The following ARHGAP11A variants were observed in gnomAD, a reference collection of about 807,000 sequenced individuals.
ARHGAP11A encodes Rho GTPase activating protein 11A.
Under a neutral mutation model 60.5 loss-of-function variants are expected in ARHGAP11A, and 36 were observed. That is an observed-to-expected ratio of 0.59 (90% CI 0.46 to 0.79). The LOEUF is 0.79. ARHGAP11A is among the 30% of genes least tolerant of loss of function. The probability of loss-of-function intolerance (pLI) is 0.00; values close to 1 mark genes in which losing one functional copy is unlikely to be tolerated. For missense variants in ARHGAP11A, 1,071 were observed against 1,199.2 expected (o/e 0.89, Z 1.58); for synonymous variants, 362 against 415.5 (o/e 0.87, Z 1.57).
At chr15:32,635,517 A>T (rs1400277922) in intron 10 of ARHGAP11A, among the ~76,000 whole-genome samples, 2 of 152,228 alleles carry the variant, frequency 1.3e-5, no homozygotes, top group African/African-American at 4.8e-5. Context: ...ACAGAGTCAG[A>T]GCACACACAG....
intron 8 of ARHGAP11A, among the ~76,000 whole-genome samples, chr15:32,630,992 T>G (rs561451609): frequency 1.2e-3 from 183 of 152,260 alleles, no homozygotes; most frequent in African/African-American, 4.2e-3. Flanking sequence ...AACATACTGA[T>G]TCCTTCTTCT....
Position 32,638,950 on chromosome 15 carries a change from C to G in ARHGAP11A, c.*1105C>G, listed in dbSNP as rs2053786518. 2 of 152,496 alleles carry G rather than the reference C, an allele frequency of 1.3e-5. No homozygotes were observed. The highest frequency in any genetic ancestry group is 4.8e-5 in the African/African-American group (2 of 41,416). 9.4% of individuals were successfully genotyped at this position (152,496 alleles called of 1,614,324 possible). ...TTGAAATAGTAGATGCACCTCTTTA[C>G]CTTTTTTACTTGGATAAAAACCTAT... On this transcript the variant is annotated 3_prime_UTR_variant, in exon 12 of 12. Transcript: ENST00000361627.
chr15:32,635,695 T>A lies in ARHGAP11A; in HGVS notation c.1345-82T>A, dbSNP rs905007590. ...TTTTTAAATCAGCTAAAGATTTTGA[T>A]AACTACAAAAAATTATTCTGTCTTT... On this transcript the variant is annotated intron_variant, in intron 10 of 11. Coordinates refer to ENST00000361627, the MANE Select transcript of ARHGAP11A (RefSeq NM_014783.6). The A allele has an allele frequency of 1.2e-5, 12 of 984,006 alleles. No individual in the cohort carries two copies. In the South Asian group the frequency reaches 2.8e-4, roughly 23 times the overall value. The allele number at this position is 984,006 out of a possible 1,614,324, so 61.0% of individuals were successfully genotyped here.
At chr15:32,631,311 T>C (rs2053577616) in intron 8 of ARHGAP11A, among the ~76,000 whole-genome samples, 1 of 151,890 alleles carries the variant, frequency 6.6e-6, no homozygotes, top group Non-Finnish European at 1.5e-5. Flanking sequence ...TTTTTTTTTT[T>C]TGAGACAGAG....
intron 7 of ARHGAP11A, among the ~76,000 whole-genome samples, chr15:32,629,151 T>A (rs12438775): frequency 6.8e-6 from 1 of 146,498 alleles, no homozygotes; most frequent in Non-Finnish European, 1.5e-5. Flanking sequence ...AATTTTTTAT[T>A]CTAATTTGCT....
At chr15:32,634,725 A>G (rs1454451277) in intron 10 of ARHGAP11A, among the ~76,000 whole-genome samples, 2 of 152,250 alleles carry the variant, frequency 1.3e-5, no homozygotes, top group Middle Eastern at 3.4e-3. Context: ...GGTTTTCCCT[A>G]TCTCAGTTAT....
At chr15:32,626,403 A>G (rs576807729) in intron 6 of ARHGAP11A, among the ~76,000 whole-genome samples, 86 of 152,324 alleles carry the variant, frequency 5.6e-4, no homozygotes, top group Middle Eastern at 3.4e-3. Flanking sequence ...AAAACTTGCA[A>G]TCTCCTTGAT....
chr15:32,637,879 A>G lies in ARHGAP11A; in HGVS notation c.*34A>G, dbSNP rs1309063378. 1.3e-6 allele frequency: 2 copies of G among 1,496,580 alleles called. No individual in the cohort carries two copies. The highest frequency in any genetic ancestry group is 1.8e-6 in the Non-Finnish European group (2 of 1,112,606). 92.7% of individuals were successfully genotyped at this position (1,496,580 alleles called of 1,614,324 possible). On this transcript the variant is annotated 3_prime_UTR_variant, in exon 12 of 12. Coordinates refer to ENST00000361627, the MANE Select transcript of ARHGAP11A (RefSeq NM_014783.6). The stretch of plus-strand genomic sequence containing the variant: ...TGTTATACTTGTCATTAATGTAAAT[A>G]AAGTGAGTAATTGGTATGACTTGCA...
Position 32,639,111 on chromosome 15 carries a change from C to G in ARHGAP11A, c.*1266C>G, listed in dbSNP as rs2053790352. The G allele has an allele frequency of 6.6e-6, 1 of 152,626 alleles. No individual in the cohort carries two copies. Among genetic ancestry groups the G allele is most frequent in the African/African-American group, 2.4e-5 (1 of 41,452 alleles). The allele number at this position is 152,626 out of a possible 1,614,324, so 9.5% of individuals were successfully genotyped here. ...ACATGCACCAAATTGTCAAGTAAAT[C>G]TGTCTAAATTTATATTTTAAATTAT... On this transcript the variant is annotated 3_prime_UTR_variant, in exon 12 of 12. Coordinates refer to ENST00000361627, the MANE Select transcript of ARHGAP11A (RefSeq NM_014783.6).
At chr15:32,621,012 G>A (rs2053282455) in intron 2 of ARHGAP11A, among the ~76,000 whole-genome samples, 1 of 152,000 alleles carries the variant, frequency 6.6e-6, no homozygotes. Context: ...TGAGGCTGCA[G>A]TGAGCTATGC....
Position 32,637,373 on chromosome 15 carries a change from C to T in ARHGAP11A, c.2600C>T (p.Ala867Val). 6.2e-7 allele frequency: 1 copy of T among 1,614,118 alleles called. No homozygotes were observed. Among genetic ancestry groups the T allele is most frequent in the Non-Finnish European group, 8.5e-7 (1 of 1,179,992 alleles). ...GHKLASLGDTASPLVKSVSCD... is the reference protein window; with the variant it reads ...GHKLASLGDTVSPLVKSVSCD... ...AAGTTGGCGAGTCTTGGTGATACAGCTTCTCCTTTGGTCAAATCAGTGAGC... is the reference window on the plus strand; with the variant it reads ...AAGTTGGCGAGTCTTGGTGATACAGTTTCTCCTTTGGTCAAATCAGTGAGC... Residue 867 changes from alanine to valine, a missense_variant, in exon 12 of 12, where the codon GCT (alanine) becomes GTT (valine). Physicochemically the swap from Ala to Val is moderately conservative, Grantham distance 64. Transcript: ENST00000361627.
At chr15:32,625,669 T>C in intron 6 of ARHGAP11A, 36 bp downstream of exon 6, 1 of 1,610,676 alleles carries the variant, frequency 6.2e-7, no homozygotes, top group Non-Finnish European at 8.5e-7. Context: ...GGTACAGTGA[T>C]TTGCTTTAAT....
Position 32,637,453 on chromosome 15 carries a change from T to C in ARHGAP11A, c.2680T>C (p.Ser894Pro). The change falls in exon 12 of 12, where the codon TCA (serine) becomes CCA (proline). Residue 894 changes from serine to proline, a missense_variant. By Grantham distance (74) the Ser-to-Pro change is moderately conservative. Transcript: ENST00000361627. ...AAGTGCATCAAAAGATTCCTCTGTT[T>C]CATGTATCAAATCAGGTCCTAAAGA... Reference protein sequence around the residue: ...IESASKDSSVSCIKSGPKEQK... With the variant: ...IESASKDSSVPCIKSGPKEQK... 6.2e-7 allele frequency: 1 copy of C among 1,614,134 alleles called. No individual in the cohort carries two copies.
rs905651408 is a variant in ARHGAP11A, at chr15:32,623,362, T to C, written c.201-130T>C. The C allele has an allele frequency of 7.9e-6, 6 of 763,420 alleles. No homozygotes were observed. In the East Asian group the frequency reaches 1.2e-4, roughly 15 times the overall value. 47.3% of individuals were successfully genotyped at this position (763,420 alleles called of 1,614,324 possible). A position where few individuals can be genotyped will look rare whatever the true frequency, so the allele number is the denominator to read the frequency against. ...AGACAACTAAAAGTAACATTTCATC[T>C]CAAAGACTACAGAGATTTGTGGCTT... is the stretch of plus-strand genomic sequence containing the variant. On this transcript the variant is annotated intron_variant, in intron 2 of 11. Transcript: ENST00000361627.
chr15:32,632,075 G>A (rs1473937027), intron 8 of ARHGAP11A, among the ~76,000 whole-genome samples: 1 of 152,224 alleles, frequency 6.6e-6, no homozygotes, highest in African/African-American at 2.4e-5. Context: ...TTAGCTAAAT[G>A]CACCCAAAAG....
At position 32,618,436 on chromosome 15, in the gene ARHGAP11A, G is replaced by A. The variant is rs558060263; in HGVS notation, c.130-1672G>A. ...GCCCATACTAACATTTTTTAAAATA[G>A]TTCAGCTTAAAATGATGATCATAAT... On this transcript the variant is annotated intron_variant, in intron 1 of 11. Transcript: ENST00000361627. 1.2e-4 allele frequency among the ~76,000 whole-genome samples: 18 copies of A among 152,260 alleles called. No homozygotes were observed. The East Asian group carries it at 3.3e-3, about 28-fold the overall frequency.
In ARHGAP11A at chr15:32,636,908, TAAGC is replaced by T. The variant is rs2053730065; in HGVS notation, c.2143_2146del (p.Gln715AsnfsTer8). On this transcript the variant is annotated frameshift_variant, in exon 12 of 12. Transcript: ENST00000361627. LOFTEE classifies it low-confidence loss of function (END_TRUNC). ...CATTCAAATATGCCAAAAGATTATT[TAAGC>T]AAGCAAGAATTCTCCAGTGATGAAG... is the stretch of plus-strand genomic sequence containing the variant. 1.2e-6 allele frequency: 2 copies of T among 1,613,282 alleles called. No homozygotes were observed. The highest frequency in any genetic ancestry group is 1.7e-6 in the Non-Finnish European group (2 of 1,179,826).
In ARHGAP11A at chr15:32,623,499, G is replaced by T. The variant is rs1458081940; in HGVS notation, c.208G>T (p.Val70Phe). 5.0e-6 allele frequency: 8 copies of T among 1,611,308 alleles called. 1 individual carries two copies. The highest frequency in any genetic ancestry group is 5.9e-6 in the Non-Finnish European group (7 of 1,179,344). The change falls in exon 3 of 12, where the codon GTC (valine) becomes TTC (phenylalanine). Residue 70 changes from valine to phenylalanine, a missense_variant. Val to Phe is a conservative substitution (Grantham distance 50). Around this residue, in one of 4 missense-constraint regions of ARHGAP11A, gnomAD observed 71 missense variants for 142.4 expected, o/e 0.50. Coordinates refer to ENST00000361627, the MANE Select transcript of ARHGAP11A (RefSeq NM_014783.6). Reference protein sequence around the residue: ...PEYGHIPSFLVDACTSLEDHI... With the variant: ...PEYGHIPSFLFDACTSLEDHI... ...AAAAAATCTCTCTTTCAGCTTTCTT[G>T]TCGATGCTTGCACATCTTTAGAAGA...
At chr15:32,635,544 T>G (rs543417545) in intron 10 of ARHGAP11A, among the ~76,000 whole-genome samples, 1 of 152,284 alleles carries the variant, frequency 6.6e-6, no homozygotes, top group East Asian at 1.9e-4. Context: ...TTTTAATTAA[T>G]ATGTGAGACT....
Sources: allele counts gnomAD v4.1 joint callset (sites outside exome capture counted in the v4.1 genomes callset), GRCh38; gene constraint gnomAD v4.1.1; regional missense constraint gnomAD v4.1.1; transcripts MANE v1.5; gene names NCBI Gene and HGNC (gene_info 2026-07-23, HGNC 2026-07-21).